The following PIK3C2A variants were observed in gnomAD, a reference collection of about 807,000 sequenced individuals.
PIK3C2A encodes the protein phosphatidylinositol-4-phosphate 3-kinase catalytic subunit type 2 alpha.
Under a neutral mutation model 204.5 loss-of-function variants are expected in PIK3C2A, and 97 were observed. That is an observed-to-expected ratio of 0.47 (90% confidence interval 0.40 to 0.56). The LOEUF (loss-of-function observed/expected upper bound fraction) is 0.56. Ranked by LOEUF, PIK3C2A falls within the 20% of genes least tolerant of loss-of-function variation. The pLI, the probability that PIK3C2A is intolerant of heterozygous loss-of-function variation, is 0.00. For missense variants in PIK3C2A, 1,735 were observed against 1,969.2 expected, an observed-to-expected ratio of 0.88 and a Z score of 2.25; for synonymous variants, 653 against 664.4, an observed-to-expected ratio of 0.98 and a Z score of 0.26.
At chr11:17,148,898 A>G (rs1006142237) in intron 4 of PIK3C2A, 111 bp from the exon 5 acceptor site, 1 of 730,840 alleles carries the variant, frequency 1.4e-6, no homozygotes, top group African/African-American at 1.8e-5. Flanking sequence ...GTAGTCCACA[A>G]ATGTAGGCCA....
intron 6 of PIK3C2A, among the ~76,000 whole-genome samples, chr11:17,146,614 C>T (rs987795405): frequency 6.6e-6 from 1 of 151,312 alleles, no homozygotes; most frequent in South Asian, 2.1e-4. Context: ...CCAGCTATTC[C>T]AGAGGCTGAG....
intron 23 of PIK3C2A, among the ~76,000 whole-genome samples, chr11:17,103,571 T>C (rs1279908728): frequency 2.0e-5 from 3 of 152,176 alleles, no homozygotes; most frequent in Non-Finnish European, 2.9e-5. Flanking sequence ...CAAATGTTTA[T>C]ATAGCATTTA....
At chr11:17,131,272 C>T (rs1849685362) in intron 12 of PIK3C2A, among the ~76,000 whole-genome samples, 1 of 152,102 alleles carries the variant, frequency 6.6e-6, no homozygotes, top group African/African-American at 2.4e-5. Context: ...AGAATAAATA[C>T]TGAAGCAAGC....
chr11:17,111,050 G>C (rs1035500332), intron 21 of PIK3C2A, among the ~76,000 whole-genome samples: 4 of 152,034 alleles, frequency 2.6e-5, no homozygotes, highest in Admixed American at 1.3e-4. Context: ...TGGGATTATA[G>C]GTGCCTGCCA....
chr11:17,128,594 T>C (rs778031452), intron 13 of PIK3C2A, among the ~76,000 whole-genome samples: 1 of 152,246 alleles, frequency 6.6e-6, no homozygotes, highest in Non-Finnish European at 1.5e-5. Context: ...TGCACCCATG[T>C]GCTGAATGTA....
intron 12 of PIK3C2A, among the ~76,000 whole-genome samples, chr11:17,130,782 G>A (rs571235683): frequency 6.7e-6 from 1 of 149,684 alleles, no homozygotes; most frequent in East Asian, 1.9e-4. Flanking sequence ...ACTCCAGCCT[G>A]GGTGACAGAG....
intron 2 of PIK3C2A, among the ~76,000 whole-genome samples, chr11:17,155,892 T>C (rs1252231166): frequency 1.3e-5 from 2 of 152,184 alleles, no homozygotes; most frequent in Admixed American, 1.3e-4. Flanking sequence ...CTAAAGACCT[T>C]TCCATTCAAA....
intron 13 of PIK3C2A, among the ~76,000 whole-genome samples, chr11:17,125,290 T>C (rs1179030640): frequency 6.6e-6 from 1 of 152,132 alleles, no homozygotes; most frequent in Non-Finnish European, 1.5e-5. Flanking sequence ...ATAATTTTGG[T>C]TGTAAACTGA....
At chr11:17,135,588 C>G (rs1291724051) in intron 9 of PIK3C2A, among the ~76,000 whole-genome samples, 1 of 152,022 alleles carries the variant, frequency 6.6e-6, no homozygotes, top group Non-Finnish European at 1.5e-5. Flanking sequence ...CTATTGTCTG[C>G]TCCTTTATCC....
At chr11:17,095,985 A>G (rs1207575304) in intron 27 of PIK3C2A, among the ~76,000 whole-genome samples, 1 of 152,056 alleles carries the variant, frequency 6.6e-6, no homozygotes, top group Non-Finnish European at 1.5e-5. Context: ...CAGTTAAAAA[A>G]AGGCAAAAGG....
chr11:17,181,450 C>A (rs1195376056), intron 1 of PIK3C2A, among the ~76,000 whole-genome samples: 1 of 151,440 alleles, frequency 6.6e-6, no homozygotes, highest in Non-Finnish European at 1.5e-5. Context: ...GGTTGAGCAA[C>A]TGAAAGACAG....
intron 1 of PIK3C2A, among the ~76,000 whole-genome samples, chr11:17,191,158 GT>G (rs1042396920): frequency 2.6e-4 from 39 of 152,340 alleles, no homozygotes; most frequent in African/African-American, 9.1e-4. Context: ...ATGGAGGTAA[GT>G]TTTAATTTTA....
chr11:17,166,467 G>C (rs1004687983), intron 2 of PIK3C2A, among the ~76,000 whole-genome samples: 24 of 152,094 alleles, frequency 1.6e-4, no homozygotes, highest in Non-Finnish European at 1.2e-4. Context: ...AGCTTAGCTG[G>C]GATAATCTAT....
At chr11:17,193,868 A>AGGAGGGGAGGGGAGGGGAGGGG (rs1565305762) in intron 1 of PIK3C2A, 7 of 106,116 alleles carry the variant, frequency 6.6e-5, no homozygotes, top group Admixed American at 2.5e-4. Context: ...AAAAGAAAAG[A>AGGAGGGGAGGGGAGGGGAGGGG]AAAGAAAAGA....
intron 5 of PIK3C2A, 111 bp downstream of exon 5, chr11:17,148,556 C>T: frequency 5.9e-6 from 5 of 850,176 alleles, no homozygotes; most frequent in Non-Finnish European, 9.0e-6. Context: ...TAAATCAATT[C>T]AATAGGATCC....
chr11:17,090,041 T>TA (rs1288650841), intron 32 of PIK3C2A, 121 bp from the exon 33 acceptor site: 1 of 698,466 alleles, frequency 1.4e-6, no homozygotes, highest in African/African-American at 1.8e-5. Flanking sequence ...TGACACTGAT[T>TA]ATGACACATC....
chr11:17,128,535 T>C (rs563547201), intron 13 of PIK3C2A, among the ~76,000 whole-genome samples: 25 of 152,314 alleles, frequency 1.6e-4, no homozygotes, highest in Admixed American at 6.5e-4. Flanking sequence ...CACAGAGCCC[T>C]GCCTAGAGAT....
chr11:17,179,096 C>T (rs1164333376), intron 1 of PIK3C2A, among the ~76,000 whole-genome samples: 1 of 151,390 alleles, frequency 6.6e-6, no homozygotes, highest in Non-Finnish European at 1.5e-5. Flanking sequence ...AACTCCTGAC[C>T]TCAGGTAATC....
At chr11:17,179,437 C>T (rs1324356797) in intron 1 of PIK3C2A, among the ~76,000 whole-genome samples, 1 of 152,096 alleles carries the variant, frequency 6.6e-6, no homozygotes, top group African/African-American at 2.4e-5. Flanking sequence ...ACTGGGATTA[C>T]TGGCAGAAAC....
Sources: gnomAD v4.1 joint callset for allele counts (sites outside exome capture counted in the v4.1 genomes callset) on GRCh38, gnomAD v4.1.1 for gene constraint, MANE v1.5 for transcripts, NCBI Gene and HGNC (gene_info 2026-07-23, HGNC 2026-07-21) for gene names.